The following ARHGEF11 variants were observed in gnomAD, a reference collection of about 807,000 sequenced individuals.
ARHGEF11 encodes Rho guanine exchange factor (GEF) 11.
ARHGEF11 carries 55 observed loss-of-function variants against 193.7 expected under a neutral mutation model. The observed-to-expected ratio is 0.28, with a 90% CI of 0.23 to 0.36. The LOEUF is 0.36. Among genes scored for constraint, ARHGEF11 ranks in the 10% least tolerant of loss-of-function variants. The pLI is 1.00. For missense variants in ARHGEF11, 1,723 were observed against 2,005.6 expected (o/e 0.86, Z 2.69); for synonymous variants, 693 against 768.0 (o/e 0.90, Z 1.62).
chr1:156,955,755 C>T lies in ARHGEF11; in HGVS notation c.1716G>A (p.Lys572=). Residue 572 remains lysine (K), a synonymous_variant, in exon 20 of 41, where the codon AAG becomes AAA. Coordinates refer to ENST00000368194, the MANE Select transcript of ARHGEF11 (RefSeq NM_198236.3). ...KKEKDALEDK[K]RNPILKYIGK... ...CAATGTATTTGAGGATAGGGTTTCG[C>T]TTCTTGTCCTCCAAGGCATCCTTTT... 1 of 1,614,198 alleles carries T rather than the reference C, an allele frequency of 6.2e-7. No homozygotes were observed. The highest frequency in any genetic ancestry group is 8.5e-7 in the Non-Finnish European group (1 of 1,180,026).
intron 14 of ARHGEF11, among the ~76,000 whole-genome samples, chr1:156,961,436 A>G (rs1282038178): frequency 6.6e-6 from 1 of 152,178 alleles, no homozygotes; most frequent in Non-Finnish European, 1.5e-5. Flanking sequence ...ATTTGGTACA[A>G]TCTCTTCCTC....
At chr1:156,944,900 G>A in intron 30 of ARHGEF11, 119 bp downstream of exon 30, 1 of 1,339,710 alleles carries the variant, frequency 7.5e-7, no homozygotes, top group South Asian at 1.4e-5. Flanking sequence ...GCTCCATTGT[G>A]CCACCCTATC....
intron 1 of ARHGEF11, among the ~76,000 whole-genome samples, chr1:157,022,077 T>G (rs948618417): frequency 6.6e-6 from 1 of 152,216 alleles, no homozygotes; most frequent in South Asian, 2.1e-4. Flanking sequence ...AAGCCAAAGC[T>G]ATCATACTTA....
At position 156,944,109 on chromosome 1, in the gene ARHGEF11, G is replaced by C. The variant is rs140569739; in HGVS notation, c.3068-7C>G. 1 of 1,612,634 alleles carries C rather than the reference G, an allele frequency of 6.2e-7. No homozygotes were observed. Among genetic ancestry groups the C allele is most frequent in the Admixed American group, 1.7e-5 (1 of 59,898 alleles). On this transcript the variant is annotated splice_region_variant and splice_polypyrimidine_tract_variant and intron_variant, in intron 31 of 40. Coordinates refer to ENST00000368194, the MANE Select transcript of ARHGEF11 (RefSeq NM_198236.3). ...AGCAGCAGCACGTGGAGGTCTGGAG[G>C]GGTATGGTCATGGGAAGGTGTTCCC...
chr1:156,941,670 G>A (rs570105053), intron 34 of ARHGEF11, among the ~76,000 whole-genome samples, 194 bp downstream of exon 34: 1 of 152,300 alleles, frequency 6.6e-6, no homozygotes, highest in South Asian at 2.1e-4. Context: ...GGCAGGCTGT[G>A]GGGGAGCAGA....
chr1:157,045,660 T>G lies in ARHGEF11; in HGVS notation c.-1330A>C, dbSNP rs1186551928. Among the ~76,000 whole-genome samples, 1 of 150,048 alleles carries G rather than the reference T, an allele frequency of 6.7e-6. No individual in the cohort carries two copies. Among genetic ancestry groups the G allele is most frequent in the African/African-American group, 2.4e-5 (1 of 41,122 alleles). Reference sequence around the variant, plus strand: ...GCGCCCGACCGCCGTGTTCCGGCCTTCGCGGCCGCTCGGGACGCCAGGCTC... The same window carrying G: ...GCGCCCGACCGCCGTGTTCCGGCCTGCGCGGCCGCTCGGGACGCCAGGCTC... On this transcript the variant is annotated 5_prime_UTR_variant, in exon 1 of 41. Transcript: ENST00000368194.
chr1:156,948,761 C>A lies in ARHGEF11; in HGVS notation c.1926-263G>T. The A allele has an allele frequency of 7.1e-7, 1 of 1,413,856 alleles. No individual in the cohort carries two copies. Among genetic ancestry groups the A allele is most frequent in the Non-Finnish European group, 9.3e-7 (1 of 1,078,164 alleles). The allele number at this position is 1,413,856 out of a possible 1,614,324, so 87.6% of individuals were successfully genotyped here. On this transcript the variant is annotated intron_variant, in intron 22 of 40. Coordinates refer to ENST00000368194, the MANE Select transcript of ARHGEF11 (RefSeq NM_198236.3). This position sits in a 1 kb window ranked among gnomAD's most constrained non-coding sequence, Gnocchi z 4.2. ...CCTCTGGAGCTATTAGGAAGGGATC[C>A]TAACAGGAAGATGAAATCTGGGGCT...
At position 156,982,625 on chromosome 1, in the gene ARHGEF11, C is replaced by T. The variant is rs528038038; in HGVS notation, c.223+1714G>A. On this transcript the variant is annotated intron_variant, in intron 3 of 40. Transcript: ENST00000368194. ...TCTCCCTGTAAGCCATCTTTTCCTTCTTTCTTCTCTGGGTCTGACTCTGCT... is the reference window on the plus strand; with the variant it reads ...TCTCCCTGTAAGCCATCTTTTCCTTTTTTCTTCTCTGGGTCTGACTCTGCT... Among the ~76,000 whole-genome samples the T allele has an allele frequency of 9.9e-5, 15 of 152,238 alleles. No homozygotes were observed. The East Asian group carries it at 2.9e-3, about 29-fold the overall frequency.
intron 1 of ARHGEF11, among the ~76,000 whole-genome samples, chr1:157,024,424 A>G (rs974201618): frequency 3.2e-4 from 48 of 152,214 alleles, no homozygotes; most frequent in African/African-American, 1.0e-3. Flanking sequence ...AGCTGTTATA[A>G]AAGAAGAATA....
At position 156,963,732 on chromosome 1, in the gene ARHGEF11, G is replaced by A. The variant is rs532029827; in HGVS notation, c.964-138C>T. ...TGGTGAACGTTGGCATCTCACTCCC[G>A]CCCCCAAAATCAGAGCACAGATGAA... On this transcript the variant is annotated intron_variant, in intron 11 of 40. Coordinates refer to ENST00000368194, the MANE Select transcript of ARHGEF11 (RefSeq NM_198236.3). 6.2e-5 allele frequency: 91 copies of A among 1,469,658 alleles called. No homozygotes were observed. In the African/African-American group the frequency reaches 9.0e-4, roughly 15 times the overall value. 91.0% of individuals were successfully genotyped at this position (1,469,658 alleles called of 1,614,324 possible).
intron 31 of ARHGEF11, 108 bp from the exon 32 acceptor site, chr1:156,944,210 G>C: frequency 6.9e-7 from 1 of 1,446,318 alleles, no homozygotes; most frequent in Non-Finnish European, 9.5e-7. Flanking sequence ...CTGGGAGTCT[G>C]GTGACCCCAT....
chr1:156,954,796 T>A lies in ARHGEF11; in HGVS notation c.1798+96A>T. On this transcript the variant is annotated intron_variant, in intron 21 of 40. Transcript: ENST00000368194. Reference sequence around the variant, plus strand: ...AGAAAGGGAGGGAGGAGGAACAGGATGGGAGATGATGAGAAAGAAACAGAA... The same window carrying A: ...AGAAAGGGAGGGAGGAGGAACAGGAAGGGAGATGATGAGAAAGAAACAGAA... 4.9e-6 allele frequency: 5 copies of A among 1,013,628 alleles called. No individual in the cohort carries two copies. The Admixed American group carries it at 9.9e-5, about 20-fold the overall frequency. The allele number at this position is 1,013,628 out of a possible 1,614,324, so 62.8% of individuals were successfully genotyped here.
intron 6 of ARHGEF11, among the ~76,000 whole-genome samples, chr1:156,977,484 C>G (rs1030524190): frequency 1.3e-5 from 2 of 152,182 alleles, no homozygotes; most frequent in Middle Eastern, 3.2e-3. Flanking sequence ...ACGATCATGG[C>G]TCACTGCAAC....
chr1:157,031,991 C>T (rs1671366907), intron 1 of ARHGEF11, among the ~76,000 whole-genome samples: 1 of 152,232 alleles, frequency 6.6e-6, no homozygotes, highest in East Asian at 1.9e-4. Context: ...TTTATTCTCT[C>T]ACTTAATCCA....
intron 7 of ARHGEF11, among the ~76,000 whole-genome samples, chr1:156,976,316 A>G (rs563014848): frequency 1.8e-4 from 28 of 151,962 alleles, no homozygotes; most frequent in East Asian, 1.9e-4. Context: ...GTGCTTCCCC[A>G]TATTTCCCAT....
intron 1 of ARHGEF11, among the ~76,000 whole-genome samples, chr1:157,035,454 G>A (rs185150482): frequency 7.5e-4 from 113 of 151,100 alleles, no homozygotes; most frequent in South Asian, 2.5e-3. Flanking sequence ...TGCCCAGGCT[G>A]GAGAGCAATG....
chr1:157,022,153 C>T lies in ARHGEF11; in HGVS notation c.32+22146G>A, dbSNP rs909833659. Among the ~76,000 whole-genome samples the T allele has an allele frequency of 3.3e-5, 5 of 152,316 alleles. No individual in the cohort carries two copies. The South Asian group carries it at 8.3e-4, about 25-fold the overall frequency. On this transcript the variant is annotated intron_variant, in intron 1 of 40. Coordinates refer to ENST00000368194, the MANE Select transcript of ARHGEF11 (RefSeq NM_198236.3). Reference sequence around the variant, plus strand: ...AAACTGAGGATGGCCACTTTCACTACTTCTGTGCAACAATGTGCTGAGTCT... The same window carrying T: ...AAACTGAGGATGGCCACTTTCACTATTTCTGTGCAACAATGTGCTGAGTCT...
intron 1 of ARHGEF11, among the ~76,000 whole-genome samples, chr1:157,010,152 A>C (rs1365513625): frequency 6.6e-6 from 1 of 152,232 alleles, no homozygotes; most frequent in Non-Finnish European, 1.5e-5. Context: ...TGGGCAACAC[A>C]GCGAGATCCC....
In ARHGEF11 at chr1:156,971,714, C is replaced by G; in HGVS notation, c.685G>C (p.Glu229Gln). 1.2e-6 allele frequency: 2 copies of G among 1,613,966 alleles called. No individual in the cohort carries two copies. The highest frequency in any genetic ancestry group is 1.7e-6 in the Non-Finnish European group (2 of 1,179,994). ...VTQLQLKIQQETGGSVDILPL... is the reference protein window; with the variant it reads ...VTQLQLKIQQQTGGSVDILPL... The stretch of plus-strand genomic sequence containing the variant: ...TCACTCACCACTGAGCCACCAGTCT[C>G]CTGCTGGATCTTCAGCTGTAACTGA... The change falls in exon 8 of 41, where the codon GAG becomes CAG. Residue 229 changes from glutamate (E) to glutamine (Q), a missense_variant. Coordinates refer to ENST00000368194, the MANE Select transcript of ARHGEF11 (RefSeq NM_198236.3).
Sources: allele counts gnomAD v4.1 joint callset (sites outside exome capture counted in the v4.1 genomes callset), GRCh38; gene constraint gnomAD v4.1.1; non-coding constraint Gnocchi (gnomAD v3.1); transcripts MANE v1.5; gene names NCBI Gene and HGNC (gene_info 2026-07-23, HGNC 2026-07-21).